Variants in GPHN observed in about 807,000 individuals in gnomAD.
GPHN encodes the protein gephyrin.
A neutral mutation model predicts 95.5 loss-of-function variants in GPHN; 17 were observed. The ratio of observed to expected loss-of-function variants is 0.18; its 90% CI spans 0.12 to 0.27. The LOEUF is 0.27. Ranked by LOEUF, GPHN falls within the 10% of genes least tolerant of loss-of-function variation. GPHN has a pLI of 1.00. For missense variants in GPHN, 660 were observed against 978.1 expected (o/e 0.67, Z 4.34); for synonymous variants, 320 against 322.5 (o/e 0.99, Z 0.08).
intron 1 of GPHN, among the ~76,000 whole-genome samples, chr14:66,645,570 C>G (rs376634628): frequency 1.3e-5 from 2 of 151,312 alleles, no homozygotes; most frequent in Admixed American, 6.6e-5. Flanking sequence ...TGGGCACTTG[C>G]AATCCCAGCT....
rs113297856 is a variant in GPHN at position 67,113,659 on chromosome 14, GT to G, written c.1626+498del. Among the ~76,000 whole-genome samples the G allele has an allele frequency of 1.2e-4, 18 of 149,714 alleles. No homozygotes were observed. The South Asian group carries it at 2.5e-3, about 21-fold the overall frequency. On this transcript the variant is annotated intron_variant, in intron 16 of 22. Coordinates refer to ENST00000478722, the MANE Select transcript of GPHN (RefSeq NM_020806.5). ...TCACTAAGAGGGATTTGATAATCAG[GT>G]TTTTTTTTTCCTCTCTCTCTCCCTA...
At chr14:67,220,427 G>C in the GPHN span, among the ~76,000 whole-genome samples, 1 of 151,010 alleles carries the variant, frequency 6.6e-6, no homozygotes, top group Non-Finnish European at 1.5e-5. Flanking sequence ...GGGTAACAGA[G>C]AGAGACCTTT....
chr14:66,629,149 A>ATATAAATACG (rs2063654535), intron 1 of GPHN, among the ~76,000 whole-genome samples: 1 of 84,998 alleles, frequency 1.2e-5, no homozygotes, highest in African/African-American at 1.0e-4. Flanking sequence ...ATTTATATAC[A>ATATAAATACG]TATATAAATA....
chr14:67,331,975 G>A, the GPHN span, among the ~76,000 whole-genome samples: 1 of 152,174 alleles, frequency 6.6e-6, no homozygotes, highest in Non-Finnish European at 1.5e-5. Context: ...AGCCAGAGTT[G>A]TCATATTTTT....
At chr14:67,047,036 C>T (rs780043751) in intron 10 of GPHN, among the ~76,000 whole-genome samples, 4 of 151,968 alleles carry the variant, frequency 2.6e-5, no homozygotes, top group Non-Finnish European at 4.4e-5. Context: ...CAGAAAGATC[C>T]AGGAAATAGA....
the GPHN span, among the ~76,000 whole-genome samples, chr14:67,247,001 G>A: frequency 6.6e-6 from 1 of 152,118 alleles, no homozygotes; most frequent in South Asian, 2.1e-4. Context: ...CTCTTCCACT[G>A]TATTCTTTTT....
intron 11 of GPHN, among the ~76,000 whole-genome samples, chr14:67,068,649 G>A (rs2076162802): frequency 6.6e-6 from 1 of 152,046 alleles, no homozygotes; most frequent in South Asian, 2.1e-4. Context: ...TAGATTATAA[G>A]CTGTAAGCTT....
At chr14:67,346,438 A>C in the GPHN span, among the ~76,000 whole-genome samples, 2 of 152,278 alleles carry the variant, frequency 1.3e-5, no homozygotes, top group East Asian at 3.9e-4. Context: ...CGGCCTCCCG[A>C]GTAGCTGGGA....
the GPHN span, among the ~76,000 whole-genome samples, chr14:67,614,028 G>A: frequency 3.9e-5 from 6 of 152,228 alleles, no homozygotes; most frequent in South Asian, 1.2e-3. Context: ...CCGACCTCTT[G>A]GGCTCAAGGG....
chr14:66,656,685 A>G (rs1486500980), intron 1 of GPHN, among the ~76,000 whole-genome samples: 1 of 151,620 alleles, frequency 6.6e-6, no homozygotes, highest in African/African-American at 2.4e-5. Flanking sequence ...GTGATCTCTG[A>G]TCAGTGATGT....
At chr14:66,975,351 G>T (rs2070140387) in intron 9 of GPHN, among the ~76,000 whole-genome samples, 1 of 152,054 alleles carries the variant, frequency 6.6e-6, no homozygotes. Flanking sequence ...GAACTTTTAG[G>T]TCTAAGATTT....
intron 5 of GPHN, among the ~76,000 whole-genome samples, chr14:66,913,336 T>TTTTTG (rs1159749295): frequency 1.3e-5 from 2 of 151,912 alleles, no homozygotes; most frequent in African/African-American, 4.8e-5. Flanking sequence ...TTCTTTTTGA[T>TTTTTG]TTTTGTTTTG....
the GPHN span, chr14:67,555,811 C>T: frequency 1.2e-6 from 2 of 1,612,960 alleles, no homozygotes; most frequent in East Asian, 2.2e-5. Context: ...TCCCCTTTCT[C>T]TCTGGCCAAG....
At chr14:67,468,403 C>T in the GPHN span, among the ~76,000 whole-genome samples, 1 of 152,176 alleles carries the variant, frequency 6.6e-6, no homozygotes, top group Non-Finnish European at 1.5e-5. Flanking sequence ...GAGACAGGCA[C>T]CCAGGAAGAC....
chr14:67,648,285 G>T, the GPHN span: 1 of 1,332,998 alleles, frequency 7.5e-7, no homozygotes, highest in Non-Finnish European at 1.0e-6. Context: ...TCATTGCAGA[G>T]TTTGTTTTTG....
chr14:67,576,702 G>A, the GPHN span, among the ~76,000 whole-genome samples: 1 of 152,206 alleles, frequency 6.6e-6, no homozygotes, highest in Non-Finnish European at 1.5e-5. This position sits in a 1 kb window ranked among gnomAD's most constrained non-coding sequence, Gnocchi z 4.0. Flanking sequence ...GCATCTGGGG[G>A]AGTTTATCTG....
At chr14:66,695,787 A>G (rs2068065229) in intron 2 of GPHN, among the ~76,000 whole-genome samples, 1 of 152,242 alleles carries the variant, frequency 6.6e-6, no homozygotes, top group Non-Finnish European at 1.5e-5. Flanking sequence ...ATCCAGCTAT[A>G]TGACTTTCTG....
chr14:66,867,551 A>T (rs563585173), intron 4 of GPHN, among the ~76,000 whole-genome samples: 2 of 152,298 alleles, frequency 1.3e-5, no homozygotes, highest in East Asian at 1.9e-4. Flanking sequence ...TATTTTAAGG[A>T]TACCTACTCT....
the GPHN span, among the ~76,000 whole-genome samples, chr14:67,693,928 G>T: frequency 6.6e-6 from 1 of 152,252 alleles, no homozygotes. Flanking sequence ...TGGGATTACA[G>T]GTGTGAGTCA....
Sources: allele counts gnomAD v4.1 joint callset (sites outside exome capture counted in the v4.1 genomes callset), GRCh38; gene constraint gnomAD v4.1.1; non-coding constraint Gnocchi (gnomAD v3.1); transcripts MANE v1.5; gene names NCBI Gene and HGNC (gene_info 2026-07-23, HGNC 2026-07-21).